HORMAD2: variants seen among roughly 807,000 people sequenced by gnomAD.
HORMAD2 encodes HORMA domain containing 2, also known as HORMA domain-containing protein 2.
Under a neutral mutation model 38.8 loss-of-function variants are expected in HORMAD2, and 45 were observed. The ratio of observed to expected loss-of-function variants is 1.16; its 90% CI spans 0.91 to 1.49. The LOEUF is 1.49. Among genes scored for constraint, HORMAD2 ranks in the 40% most tolerant of loss-of-function variants. The pLI, the probability that HORMAD2 is intolerant of heterozygous loss-of-function variation, is 0.00. For missense variants in HORMAD2, 338 were observed against 367.0 expected (o/e 0.92, Z 0.65); for synonymous variants, 126 against 122.8 (o/e 1.03, Z -0.17).
chr22:30,121,936 A>G lies in HORMAD2; in HGVS notation c.569-28A>G, dbSNP rs868369820. On this transcript the variant is annotated intron_variant, in intron 9 of 10. Transcript: ENST00000336726. ...TTTGTTGTATTGAAACTCAGTTTTCATGGCTTTTTGCCCTTTTCATTTCGC... is the reference window on the plus strand; with the variant it reads ...TTTGTTGTATTGAAACTCAGTTTTCGTGGCTTTTTGCCCTTTTCATTTCGC... 1.1e-5 allele frequency: 17 copies of G among 1,596,106 alleles called. No homozygotes were observed. The Middle Eastern group carries it at 5.0e-4, about 47-fold the overall frequency.
rs1921938900 is a variant in HORMAD2 at position 30,115,043 on chromosome 22, A to G, written c.342+2521A>G. Among the ~76,000 whole-genome samples the G allele has an allele frequency of 2.0e-5, 3 of 152,214 alleles. No individual in the cohort carries two copies. The South Asian group carries it at 6.2e-4, about 32-fold the overall frequency. ...ATAAGACCATATAGAATTATTATAT[A>G]TGAATATGGTGAAGGCATAAATCTT... On this transcript the variant is annotated intron_variant, in intron 7 of 10. Coordinates refer to ENST00000336726, the MANE Select transcript of HORMAD2 (RefSeq NM_152510.4).
intron 1 of HORMAD2, among the ~76,000 whole-genome samples, chr22:30,093,518 C>A (rs1486727121): frequency 1.3e-5 from 2 of 152,036 alleles, no homozygotes; most frequent in Non-Finnish European, 2.9e-5. Flanking sequence ...TTATAATTTT[C>A]ATTGAGTGGG....
chr22:30,174,861 C>T (rs1007785652), intron 10 of HORMAD2, among the ~76,000 whole-genome samples: 16 of 152,092 alleles, frequency 1.1e-4, no homozygotes, highest in African/African-American at 3.6e-4. Context: ...TTTAGAGCAG[C>T]CCATTTCAAA....
chr22:30,203,769 C>T, the HORMAD2 span, among the ~76,000 whole-genome samples: 64 of 152,330 alleles, frequency 4.2e-4, no homozygotes, highest in African/African-American at 1.2e-3. Flanking sequence ...TTCTCCCTCA[C>T]GCATGGCTAT....
intron 10 of HORMAD2, among the ~76,000 whole-genome samples, chr22:30,165,591 G>A (rs1385603907): frequency 6.6e-6 from 1 of 152,012 alleles, no homozygotes; most frequent in Non-Finnish European, 1.5e-5. Flanking sequence ...TTGCTTAAGA[G>A]GGTCTTCCCA....
chr22:30,103,938 G>A (rs1283480136), intron 4 of HORMAD2, among the ~76,000 whole-genome samples: 1 of 151,486 alleles, frequency 6.6e-6, no homozygotes, highest in East Asian at 1.9e-4. Context: ...GGGACTACAG[G>A]TGTGAGCCAC....
At chr22:30,200,592 A>AT in the HORMAD2 span, among the ~76,000 whole-genome samples, 8 of 151,930 alleles carry the variant, frequency 5.3e-5, no homozygotes, top group South Asian at 1.5e-3. Context: ...GGTTTCTTTA[A>AT]TTTTTTAAGG....
chr22:30,159,814 C>T (rs953840760), intron 10 of HORMAD2, among the ~76,000 whole-genome samples: 11 of 152,016 alleles, frequency 7.2e-5, no homozygotes, highest in African/African-American at 2.4e-5. Context: ...ATTATTTTTC[C>T]TATTTTTTTG....
At chr22:30,147,964 A>G (rs1274531357) in intron 10 of HORMAD2, among the ~76,000 whole-genome samples, 1 of 152,192 alleles carries the variant, frequency 6.6e-6, no homozygotes, top group Non-Finnish European at 1.5e-5. Context: ...TACTTACTAT[A>G]TGATGCAGAA....
At chr22:30,157,834 A>T (rs548835001) in intron 10 of HORMAD2, among the ~76,000 whole-genome samples, 67 of 152,300 alleles carry the variant, frequency 4.4e-4, no homozygotes, top group Non-Finnish European at 7.2e-4. Context: ...TAGATTTTTT[A>T]AAAAAATTCA....
intron 6 of HORMAD2, 143 bp downstream of exon 6, chr22:30,111,959 T>A (rs1162598290): frequency 3.4e-6 from 2 of 581,430 alleles, no homozygotes; most frequent in Non-Finnish European, 6.0e-6. Context: ...ATAGGATCTA[T>A]CAGAAGTTTA....
chr22:30,103,649 A>ATGTTTTTT (rs1920983943), intron 4 of HORMAD2, 149 bp downstream of exon 4: 1 of 68,232 alleles, frequency 1.5e-5, no homozygotes, highest in African/African-American at 1.3e-4. Flanking sequence ...TCTGTTTTTG[A>ATGTTTTTT]TTTTTTTTTT....
intron 10 of HORMAD2, among the ~76,000 whole-genome samples, chr22:30,128,302 C>T (rs1923022373): frequency 6.6e-6 from 1 of 151,976 alleles, no homozygotes; most frequent in Admixed American, 6.5e-5. Flanking sequence ...TTATATGTCC[C>T]ATCCTCTCCA....
intron 10 of HORMAD2, among the ~76,000 whole-genome samples, chr22:30,161,278 G>A (rs117977244): frequency 0.019 from 2,904 of 152,296 alleles, 52 homozygotes; most frequent in Admixed American, 0.032. Flanking sequence ...TGTACTTACA[G>A]TTATGCTATG....
At position 30,095,162 on chromosome 22, in the gene HORMAD2, A is replaced by G. The variant is rs111833554; in HGVS notation, c.51+1159A>G. ...CTGTCTGTGTATTTATATGTGTTGCATGTATGGTGTTTACATAAAAGAGTG... is the reference window on the plus strand; with the variant it reads ...CTGTCTGTGTATTTATATGTGTTGCGTGTATGGTGTTTACATAAAAGAGTG... On this transcript the variant is annotated intron_variant, in intron 2 of 10. Coordinates refer to ENST00000336726, the MANE Select transcript of HORMAD2 (RefSeq NM_152510.4). Among the ~76,000 whole-genome samples, 284 of 152,322 alleles carry G rather than the reference A, an allele frequency of 1.9e-3. No individual in the cohort carries two copies. The Middle Eastern group carries it at 0.027, about 15-fold the overall frequency.
the HORMAD2 span, among the ~76,000 whole-genome samples, chr22:30,197,051 C>T: frequency 6.6e-6 from 1 of 152,146 alleles, no homozygotes; most frequent in Non-Finnish European, 1.5e-5. Context: ...AGCTGCAGCC[C>T]AGCAGCAGCC....
chr22:30,190,251 G>A, the HORMAD2 span, among the ~76,000 whole-genome samples: 3 of 152,074 alleles, frequency 2.0e-5, no homozygotes, highest in African/African-American at 2.4e-5. Flanking sequence ...TAATTTCAGG[G>A]CAACATCTTC....
chr22:30,199,829 G>GC, the HORMAD2 span, among the ~76,000 whole-genome samples: 4 of 151,588 alleles, frequency 2.6e-5, no homozygotes, highest in Admixed American at 1.3e-4. Flanking sequence ...GTCAAGGATG[G>GC]CCCGGGCACG....
the HORMAD2 span, among the ~76,000 whole-genome samples, chr22:30,189,493 G>A: frequency 1.3e-5 from 2 of 148,430 alleles, no homozygotes; most frequent in African/African-American, 4.9e-5. Context: ...TTGCATTGAA[G>A]TTTCACCATT....
Sources: gnomAD v4.1 joint callset for allele counts (sites outside exome capture counted in the v4.1 genomes callset) on GRCh38, gnomAD v4.1.1 for gene constraint, MANE v1.5 for transcripts, NCBI Gene and HGNC (gene_info 2026-07-23, HGNC 2026-07-21) for gene names.